ZNF735: variants seen among roughly 807,000 people sequenced by gnomAD.
The protein encoded by ZNF735 is zinc finger protein 735.
Under a neutral mutation model 13.4 loss-of-function variants are expected in ZNF735, and 11 were observed. The observed-to-expected ratio is 0.82, with a 90% CI of 0.52 to 1.36. The LOEUF is 1.36. ZNF735 is among the 40% of genes most tolerant of loss of function. The pLI, the probability that ZNF735 is intolerant of heterozygous loss-of-function variation, is 0.00. For synonymous variants in ZNF735, 171 were observed against 162.6 expected (o/e 1.05, Z -0.39); for missense variants, 500 against 484.6 (o/e 1.03, Z -0.30).
intron 3 of ZNF735, among the ~76,000 whole-genome samples, chr7:64,217,862 A>T (rs1342351633): frequency 6.6e-6 from 1 of 151,974 alleles, no homozygotes; most frequent in Non-Finnish European, 1.5e-5. Flanking sequence ...CATTATATCT[A>T]CCCTGTGCTT....
At chr7:64,215,055 T>A (rs1304682104) in intron 3 of ZNF735, among the ~76,000 whole-genome samples, 1 of 149,444 alleles carries the variant, frequency 6.7e-6, no homozygotes, top group Non-Finnish European at 1.5e-5. Context: ...CATTTGTCCA[T>A]TTCTTTTTTC....
intron 1 of ZNF735, among the ~76,000 whole-genome samples, chr7:64,209,094 C>G (rs562446044): frequency 1.8e-3 from 267 of 152,130 alleles, no homozygotes; most frequent in Non-Finnish European, 3.0e-3. Flanking sequence ...AATTGTGGTA[C>G]TGGGAATGGT....
At chr7:64,219,978 C>G in exon 4 of ZNF735, 1 of 1,613,942 alleles carries the variant, frequency 6.2e-7, no homozygotes, top group Non-Finnish European at 8.5e-7. Flanking sequence ...TTAGCGTATC[C>G]TCAGCCCTCA....
chr7:64,216,338 T>C (rs1787421040), intron 3 of ZNF735, among the ~76,000 whole-genome samples: 1 of 152,060 alleles, frequency 6.6e-6, no homozygotes, highest in African/African-American at 2.4e-5. Flanking sequence ...ATAAATATAC[T>C]TTTGGAATTT....
At chr7:64,219,604 T>C in exon 4 of ZNF735, 1 of 1,575,804 alleles carries the variant, frequency 6.3e-7, no homozygotes, top group East Asian at 2.3e-5. Context: ...AAAGAAACAT[T>C]TGAAATGTAA....
In ZNF735 at chr7:64,208,244, G is replaced by GTTTTTTTTTTTT. The variant is rs71060562; in HGVS notation, c.39+1022_39+1033dup. On this transcript the variant is annotated intron_variant, in intron 1 of 3. Coordinates refer to ENST00000429565, the Ensembl canonical transcript of ZNF735. ...TTCAAGATAGTAATCTCCAATAAAT[G>GTTTTTTTTTTTT]TTTTTTTTTTTTTTTTTTTTTTTTT... 9.7e-5 allele frequency among the ~76,000 whole-genome samples: 9 copies of GTTTTTTTTTTTT among 93,094 alleles called. 1 individual carries two copies. Among genetic ancestry groups the GTTTTTTTTTTTT allele is most frequent in the East Asian group, 2.9e-4 (1 of 3,504 alleles). The allele number at this position is 93,094 out of a possible 152,430, so 61.1% of individuals were successfully genotyped here. A position where few individuals can be genotyped will look rare whatever the true frequency, so the allele number is the denominator to read the frequency against.
intron 1 of ZNF735, among the ~76,000 whole-genome samples, chr7:64,212,741 A>G (rs1321258611): frequency 6.6e-6 from 1 of 151,862 alleles, no homozygotes; most frequent in East Asian, 1.9e-4. Context: ...CACTGAGCCA[A>G]GATCACGCTA....
chr7:64,220,095 T>G, exon 4 of ZNF735: 1 of 1,613,702 alleles, frequency 6.2e-7, no homozygotes, highest in Non-Finnish European at 8.5e-7. Flanking sequence ...TAATTCATAC[T>G]GGAGAGAAAC....
exon 4 of ZNF735, chr7:64,220,092 T>C (rs1787473936): frequency 3.7e-6 from 6 of 1,613,510 alleles, no homozygotes; most frequent in Non-Finnish European, 5.1e-6. Context: ...AGATAATTCA[T>C]ACTGGAGAGA....
At chr7:64,213,283 G>T in intron 2 of ZNF735, 65 bp downstream of exon 2, 3 of 1,478,404 alleles carry the variant, frequency 2.0e-6, no homozygotes, top group South Asian at 1.3e-5. Flanking sequence ...AGATGATTTT[G>T]GTAATTTCTG....
intron 3 of ZNF735, among the ~76,000 whole-genome samples, chr7:64,215,686 A>G (rs575792070): frequency 6.6e-4 from 100 of 152,090 alleles, no homozygotes; most frequent in African/African-American, 2.3e-3. Context: ...TTTGTTTAAA[A>G]TATTTTTTGT....
At chr7:64,210,833 G>T (rs1263920460) in intron 1 of ZNF735, among the ~76,000 whole-genome samples, 1 of 152,190 alleles carries the variant, frequency 6.6e-6, no homozygotes, top group South Asian at 2.1e-4. Context: ...GCCCTTGGGT[G>T]TGTGTGGTGG....
exon 2 of ZNF735, chr7:64,213,141 G>T: frequency 6.2e-7 from 1 of 1,612,550 alleles, no homozygotes; most frequent in Non-Finnish European, 8.5e-7. Context: ...CTGGCGGAGT[G>T]GCAATGCCTG....
chr7:64,211,770 G>A (rs777778471), intron 1 of ZNF735, among the ~76,000 whole-genome samples: 3 of 151,508 alleles, frequency 2.0e-5, no homozygotes, highest in Non-Finnish European at 4.4e-5. Context: ...GGAGGTTGAG[G>A]CAGGAGAATT....
At position 64,220,226 on chromosome 7, in the gene ZNF735, G is replaced by A. The variant is rs1194272093; in HGVS notation, c.1175G>A (p.Trp392Ter). 1 of 1,612,666 alleles carries A rather than the reference G, an allele frequency of 6.2e-7. No homozygotes were observed. Among genetic ancestry groups the A allele is most frequent in the Non-Finnish European group, 8.5e-7 (1 of 1,179,454 alleles). The change falls in exon 4 of 4, where the codon TGG becomes TAG. Residue 392 changes from tryptophan (W) to a stop codon, truncating the protein, a stop_gained. Coordinates refer to ENST00000429565, the Ensembl canonical transcript of ZNF735. LOFTEE classifies it low-confidence loss of function (END_TRUNC). ...GAAGAATGTGACAAAGCTTTTAAGT[G>A]GCATTCAAGTCTTGCTAAACATAAG... is the stretch of plus-strand genomic sequence containing the variant.
chr7:64,214,023 C>T (rs773718643), exon 3 of ZNF735: 6 of 1,598,076 alleles, frequency 3.8e-6, no homozygotes, highest in Non-Finnish European at 5.1e-6. Flanking sequence ...GTATGACTGT[C>T]TCTAAGCCAG....
chr7:64,210,949 G>GA (rs756701526), intron 1 of ZNF735, among the ~76,000 whole-genome samples: 1 of 152,014 alleles, frequency 6.6e-6, no homozygotes, highest in African/African-American at 2.4e-5. Context: ...AGGAGGAAAA[G>GA]AAAAAAATCA....
chr7:64,218,114 T>G (rs1327615011), intron 3 of ZNF735, among the ~76,000 whole-genome samples: 1 of 152,158 alleles, frequency 6.6e-6, no homozygotes, highest in Non-Finnish European at 1.5e-5. Context: ...GCACATGCAG[T>G]GCTTATATGC....
At chr7:64,220,287 A>G in exon 4 of ZNF735, 2 of 1,603,782 alleles carry the variant, frequency 1.2e-6, no homozygotes, top group South Asian at 1.1e-5. Context: ...ACAAATGTAA[A>G]TAATGTGGCA....
Sources: gnomAD v4.1 joint callset for allele counts (sites outside exome capture counted in the v4.1 genomes callset) on GRCh38, gnomAD v4.1.1 for gene constraint, MANE v1.5 for transcripts, NCBI Gene and HGNC (gene_info 2026-07-23, HGNC 2026-07-21) for gene names.